Variants in RNFT1 observed in about 807,000 individuals in gnomAD.
The protein encoded by RNFT1 is ring finger protein, transmembrane 1, also known as E3 ubiquitin-protein ligase RNFT1.
A neutral mutation model predicts 53.2 loss-of-function variants in RNFT1; 35 were observed. The ratio of observed to expected loss-of-function variants is 0.66; its 90% CI spans 0.50 to 0.87. The LOEUF (loss-of-function observed/expected upper bound fraction) is 0.87, where lower values mean the gene tolerates loss of function less well. Among genes scored for constraint, RNFT1 ranks in the 40% least tolerant of loss-of-function variants. The pLI is 0.00. For synonymous variants in RNFT1, 141 were observed against 172.8 expected (o/e 0.82, Z 1.44); for missense variants, 421 against 515.0 (o/e 0.82, Z 1.77).
rs369886171 is a variant in RNFT1, at chr17:59,956,994, T to C, written c.1005+230A>G. On this transcript the variant is annotated intron_variant, in intron 6 of 8. Coordinates refer to ENST00000305783, the MANE Select transcript of RNFT1 (RefSeq NM_016125.4). ...CCACTTGTTTTCCCTACTTAGATAATCCACGCTATGTGAAGGTCGACTCCC... is the reference window on the plus strand; with the variant it reads ...CCACTTGTTTTCCCTACTTAGATAACCCACGCTATGTGAAGGTCGACTCCC... 3.5e-4 allele frequency among the ~76,000 whole-genome samples: 54 copies of C among 152,314 alleles called. 2 individuals are homozygous for C. The South Asian group carries it at 8.5e-3, about 24-fold the overall frequency.
At chr17:59,958,906 C>T (rs2045270391) in intron 4 of RNFT1, among the ~76,000 whole-genome samples, 1 of 152,164 alleles carries the variant, frequency 6.6e-6, no homozygotes, top group Admixed American at 6.5e-5. Context: ...CAACACTTTT[C>T]TATTTCTCAT....
At chr17:59,957,673 C>T (rs1295034718) in intron 5 of RNFT1, among the ~76,000 whole-genome samples, 1 of 151,848 alleles carries the variant, frequency 6.6e-6, no homozygotes, top group Non-Finnish European at 1.5e-5. Flanking sequence ...GGTGAAACCC[C>T]GTCTCTACTA....
chr17:59,953,723 T>C (rs1187548202), intron 8 of RNFT1, among the ~76,000 whole-genome samples: 2 of 152,184 alleles, frequency 1.3e-5, no homozygotes, highest in East Asian at 1.9e-4. Context: ...CCATAAAGTA[T>C]AGGAAAGGGC....
intron 7 of RNFT1, among the ~76,000 whole-genome samples, chr17:59,955,930 A>G (rs1162836887): frequency 1.3e-5 from 2 of 152,194 alleles, no homozygotes; most frequent in African/African-American, 4.8e-5. Flanking sequence ...CAATAGAATC[A>G]CACAATAATG....
At position 59,964,675 on chromosome 17, in the gene RNFT1, A is replaced by G. The variant is rs2045322479; in HGVS notation, c.-12T>C. 3 of 1,601,436 alleles carry G rather than the reference A, an allele frequency of 1.9e-6. No individual in the cohort carries two copies. In the African/African-American group the frequency reaches 4.0e-5, roughly 22 times the overall value. ...AAGAACAGCGGCATACACCGCCTCC[A>G]GCCCTTCAGTCGGGGCCATCAACCG... On this transcript the variant is annotated 5_prime_UTR_variant, in exon 1 of 9. Coordinates refer to ENST00000305783, the MANE Select transcript of RNFT1 (RefSeq NM_016125.4).
At chr17:59,961,509 C>T (rs1468904650) in intron 3 of RNFT1, among the ~76,000 whole-genome samples, 1 of 152,078 alleles carries the variant, frequency 6.6e-6, no homozygotes, top group Admixed American at 6.5e-5. Flanking sequence ...AACTCATCCT[C>T]TTTTTCCCAA....
chr17:59,960,888 A>G (rs1417478521), intron 3 of RNFT1, among the ~76,000 whole-genome samples: 1 of 151,680 alleles, frequency 6.6e-6, no homozygotes. Context: ...CAAGGTTTAT[A>G]TTTTTTAAAT....
rs756866664 is a variant in RNFT1, at chr17:59,962,588, T to C, written c.543A>G (p.Thr181=). 2 of 1,605,958 alleles carry C rather than the reference T, an allele frequency of 1.2e-6. No homozygotes were observed. The highest frequency in any genetic ancestry group is 1.7e-6 in the Non-Finnish European group (2 of 1,177,842). ...TGISLGIGLL[T]TFMYANKSIV... The stretch of plus-strand genomic sequence containing the variant: ...TGCTTTTGTTTGCATACATAAAAGT[T>C]GTTAGCAGCCCAATTCCAAGAGAAA... Residue 181 remains threonine, a synonymous_variant, in exon 3 of 9, where the codon ACA becomes ACG. Transcript: ENST00000305783.
chr17:59,960,458 A>ATT (rs1224478779), intron 3 of RNFT1, among the ~76,000 whole-genome samples: 13 of 139,758 alleles, frequency 9.3e-5, no homozygotes, highest in Non-Finnish European at 1.7e-4. Context: ...AAAAAAAAAG[A>ATT]AAATTAAATT....
At chr17:59,958,711 A>G (rs1270470588) in intron 4 of RNFT1, 5 of 508,132 alleles carry the variant, frequency 9.8e-6, no homozygotes, top group African/African-American at 9.6e-5. Context: ...CCTGTAAATG[A>G]AAAAAACTCA....
At chr17:59,961,139 C>T (rs1261152358) in intron 3 of RNFT1, among the ~76,000 whole-genome samples, 3 of 151,658 alleles carry the variant, frequency 2.0e-5, no homozygotes, top group African/African-American at 7.3e-5. Context: ...TGGGGTCAGG[C>T]AATCCTCCCA....
At chr17:59,964,461 G>A in intron 1 of RNFT1, 147 bp downstream of exon 1, 1 of 615,302 alleles carries the variant, frequency 1.6e-6, no homozygotes. Context: ...GAGAAAAAAG[G>A]GAAGAAAATT....
intron 5 of RNFT1, 39 bp downstream of exon 5, chr17:59,958,252 G>T: frequency 6.5e-7 from 1 of 1,546,118 alleles, no homozygotes; most frequent in Non-Finnish European, 8.7e-7. Flanking sequence ...AATGTGATTC[G>T]ATAACATCAC....
At chr17:59,957,518 G>T in intron 5 of RNFT1, 136 bp from the exon 6 acceptor site, 1 of 625,572 alleles carries the variant, frequency 1.6e-6, no homozygotes, top group Non-Finnish European at 2.5e-6. Context: ...TAATGATTAT[G>T]ACTGAACCTC....
rs749901157 is a variant in RNFT1 at position 59,962,320 on chromosome 17, A to AT, written c.591+219dup. 755 of 438,672 alleles carry AT rather than the reference A, an allele frequency of 1.7e-3. 1 individual carries two copies. Among genetic ancestry groups the AT allele is most frequent in the East Asian group, 6.1e-3 (163 of 26,780 alleles). The allele number at this position is 438,672 out of a possible 1,614,324, so 27.2% of individuals were successfully genotyped here. Reference sequence around the variant, plus strand: ...CTTTTTACTACTTTAACAGTAACCAATTTTTTTTTCTTACAAAGAAGGTAA... The same window carrying AT: ...CTTTTTACTACTTTAACAGTAACCAATTTTTTTTTTCTTACAAAGAAGGTAA... On this transcript the variant is annotated intron_variant, in intron 3 of 8. Coordinates refer to ENST00000305783, the MANE Select transcript of RNFT1 (RefSeq NM_016125.4).
chr17:59,963,045 A>G lies in RNFT1; in HGVS notation c.296T>C (p.Ile99Thr), dbSNP rs772635440. Residue 99 changes from isoleucine (I) to threonine (T), a missense_variant, in exon 2 of 9, where the codon ATA becomes ACA. Ile to Thr is a moderately conservative substitution (Grantham distance 89). Coordinates refer to ENST00000305783, the MANE Select transcript of RNFT1 (RefSeq NM_016125.4). ...ECAENASSRN[I>T]RSGVHSCAHG... ...GGCACAGCTATGGACACCTGACCTT[A>G]TATTTCTGGAGCTTGCATTTTCTGC... 38 of 1,614,060 alleles carry G rather than the reference A, an allele frequency of 2.4e-5. No homozygotes were observed. Among genetic ancestry groups the G allele is most frequent in the Admixed American group, 6.7e-5 (4 of 59,996 alleles).
chr17:59,954,594 G>C (rs1189406151), intron 7 of RNFT1, among the ~76,000 whole-genome samples: 9 of 152,152 alleles, frequency 5.9e-5, no homozygotes, highest in African/African-American at 2.2e-4. Flanking sequence ...TTTAAAAATA[G>C]ATTTCTCTGT....
At chr17:59,957,588 G>C (rs1364279507) in intron 5 of RNFT1, among the ~76,000 whole-genome samples, 2 of 152,082 alleles carry the variant, frequency 1.3e-5, no homozygotes, top group Non-Finnish European at 2.9e-5. Flanking sequence ...TTTCTAGGTT[G>C]GACGCAGTGG....
At chr17:59,961,255 C>T (rs556881380) in intron 3 of RNFT1, among the ~76,000 whole-genome samples, 137 of 151,930 alleles carry the variant, frequency 9.0e-4, no homozygotes, top group African/African-American at 3.3e-3. Flanking sequence ...CCAGGCTCGT[C>T]TTCAATTCCT....
Sources: allele counts gnomAD v4.1 joint callset (sites outside exome capture counted in the v4.1 genomes callset), GRCh38; gene constraint gnomAD v4.1.1; transcripts MANE v1.5; gene names NCBI Gene and HGNC (gene_info 2026-07-23, HGNC 2026-07-21).